Variants in DYNLT2 observed in about 807,000 individuals in gnomAD.
DYNLT2 encodes the protein dynein light chain Tctex-type 2.
In DYNLT2, 24 loss-of-function variants were observed where a neutral mutation model predicts 24.3. The observed-to-expected ratio is 0.99, with a 90% confidence interval of 0.71 to 1.39. DYNLT2 has a LOEUF of 1.39. Ranked by LOEUF, DYNLT2 falls within the 40% of genes most tolerant of loss-of-function variation. DYNLT2 has a pLI of 0.00. For synonymous variants in DYNLT2, 85 were observed against 85.4 expected (o/e 1.00, Z 0.03); for missense variants, 246 against 234.5 (o/e 1.05, Z -0.32).
At chr6:169,727,449 G>A in the DYNLT2 span, among the ~76,000 whole-genome samples, 1 of 152,190 alleles carries the variant, frequency 6.6e-6, no homozygotes, top group South Asian at 2.1e-4. Context: ...AGGAAAAATG[G>A]GCTCCAGAGC....
At chr6:169,736,018 G>C (rs1421554202), downstream of DYNLT2, among the ~76,000 whole-genome samples, 1 of 152,154 alleles carries the variant, frequency 6.6e-6, no homozygotes, top group Non-Finnish European at 1.5e-5. Context: ...TTGTTGAATT[G>C]TTCCCTTTAC....
the DYNLT2 span, among the ~76,000 whole-genome samples, chr6:169,727,568 T>G: frequency 7.6e-5 from 11 of 143,860 alleles, no homozygotes; most frequent in Non-Finnish European, 1.5e-4. Context: ...TTTTTTGTTT[T>G]TTTGTTTTTT....
At chr6:169,727,814 C>T in the DYNLT2 span, among the ~76,000 whole-genome samples, 26,457 of 152,098 alleles carry the variant, frequency 0.17, 2,807 homozygotes, top group East Asian at 0.3. Flanking sequence ...CTGCCTGCCT[C>T]GGCCTCCCAA....
At chr6:169,747,053 T>A (rs1310365110) in intron 1 of DYNLT2, among the ~76,000 whole-genome samples, 1 of 151,420 alleles carries the variant, frequency 6.6e-6, no homozygotes, top group South Asian at 2.1e-4. Flanking sequence ...AAGCTGGAAG[T>A]CTTACCTTTG....
At position 169,744,156 on chromosome 6, in the gene DYNLT2, T is replaced by A. The variant is rs1442824117; in HGVS notation, c.239A>T (p.Lys80Ile). 11 of 1,613,390 alleles carry A rather than the reference T, an allele frequency of 6.8e-6. No homozygotes were observed. The highest frequency in any genetic ancestry group is 9.3e-6 in the Non-Finnish European group (11 of 1,180,002). ...IGKEWKSALAKLKFANSYRME... is the reference protein window; with the variant it reads ...IGKEWKSALAILKFANSYRME... ...TCTATATGAATTAGCAAACTTTAATTTTGCCAGGGCACTCTTCCATTCTTT... is the reference window on the plus strand; with the variant it reads ...TCTATATGAATTAGCAAACTTTAATATTGCCAGGGCACTCTTCCATTCTTT... Residue 80 changes from lysine (K) to isoleucine (I), a missense_variant, in exon 2 of 4, where the codon AAA becomes ATA. Lys to Ile is a moderately radical substitution (Grantham distance 102). Transcript: ENST00000366774.
intron 1 of DYNLT2, chr6:169,749,600 A>G (rs2128336909): frequency 6.6e-6 from 1 of 152,358 alleles, no homozygotes; most frequent in South Asian, 2.1e-4. Flanking sequence ...CACAGGGAAC[A>G]CTTTAGCTTC....
intron 1 of DYNLT2, among the ~76,000 whole-genome samples, chr6:169,745,722 G>A (rs1218378456): frequency 6.6e-6 from 1 of 152,128 alleles, no homozygotes; most frequent in East Asian, 1.9e-4. Context: ...CATGATACAG[G>A]TCTGTAATTT....
chr6:169,743,858 C>G (rs1789733025), intron 2 of DYNLT2, among the ~76,000 whole-genome samples: 1 of 152,158 alleles, frequency 6.6e-6, no homozygotes. Context: ...ATTACTCTTA[C>G]AAACCAGGAG....
downstream of DYNLT2, chr6:169,738,653 G>C (rs750790484): frequency 1.3e-5 from 2 of 152,302 alleles, no homozygotes; most frequent in Non-Finnish European, 2.9e-5. Context: ...TACCTTGGTT[G>C]CTGGTGAAGG....
downstream of DYNLT2, among the ~76,000 whole-genome samples, chr6:169,736,721 C>T (rs1031129095): frequency 6.6e-6 from 1 of 152,156 alleles, no homozygotes; most frequent in Non-Finnish European, 1.5e-5. Flanking sequence ...TGTGACCTGG[C>T]CTTTCTCTCT....
downstream of DYNLT2, among the ~76,000 whole-genome samples, chr6:169,739,208 CTTTT>C (rs557162178): frequency 7.6e-6 from 1 of 131,474 alleles, no homozygotes; most frequent in Non-Finnish European, 1.6e-5. Flanking sequence ...CAATTTTCTC[CTTTT>C]TTTTTTTTTT....
At chr6:169,748,877 T>C (rs1203381001) in intron 1 of DYNLT2, among the ~76,000 whole-genome samples, 2 of 152,208 alleles carry the variant, frequency 1.3e-5, no homozygotes, top group Non-Finnish European at 2.9e-5. Context: ...TGACTTGCTA[T>C]ACTTATTAAG....
chr6:169,750,698 T>C (rs780064887), intron 1 of DYNLT2: 4 of 152,206 alleles, frequency 2.6e-5, no homozygotes, highest in African/African-American at 4.8e-5. Context: ...AAAGTATCAA[T>C]AAAATATAGA....
intron 1 of DYNLT2, among the ~76,000 whole-genome samples, chr6:169,745,787 C>T (rs1789783931): frequency 6.6e-6 from 1 of 152,138 alleles, no homozygotes; most frequent in African/African-American, 2.4e-5. Context: ...GCTGACTTCA[C>T]AGAATGAGTT....
At chr6:169,732,874 T>C in the DYNLT2 span, among the ~76,000 whole-genome samples, 2 of 152,348 alleles carry the variant, frequency 1.3e-5, no homozygotes, top group African/African-American at 2.4e-5. Context: ...TCTTCCACAA[T>C]GGTTGAACTA....
At chr6:169,748,633 C>A (rs956219719) in intron 1 of DYNLT2, among the ~76,000 whole-genome samples, 5 of 152,128 alleles carry the variant, frequency 3.3e-5, no homozygotes, top group African/African-American at 4.8e-5. Context: ...AAAACAAAAT[C>A]ATTTTGTTCT....
At chr6:169,745,163 G>A (rs1789768883) in intron 1 of DYNLT2, among the ~76,000 whole-genome samples, 1 of 151,976 alleles carries the variant, frequency 6.6e-6, no homozygotes, top group Admixed American at 6.6e-5. Context: ...CGCGATCTTG[G>A]CTCACTGCAA....
chr6:169,735,584 T>C (rs1311030765), downstream of DYNLT2, among the ~76,000 whole-genome samples: 1 of 152,206 alleles, frequency 6.6e-6, no homozygotes, highest in African/African-American at 2.4e-5. Flanking sequence ...TCCATGAAAT[T>C]GTGTGGTACT....
chr6:169,725,517 C>A, the DYNLT2 span: 1 of 394,720 alleles, frequency 2.5e-6, no homozygotes, highest in Admixed American at 4.4e-5. Context: ...TCCGTTCTTG[C>A]CTCTGTCCCA....
Sources: gnomAD v4.1 joint callset for allele counts (sites outside exome capture counted in the v4.1 genomes callset) on GRCh38, gnomAD v4.1.1 for gene constraint, MANE v1.5 for transcripts, NCBI Gene and HGNC (gene_info 2026-07-23, HGNC 2026-07-21) for gene names.